The following DAB1 variants were observed in gnomAD, a reference collection of about 807,000 sequenced individuals.
The protein encoded by DAB1 is DAB adaptor protein 1.
Under a neutral mutation model 64.6 loss-of-function variants are expected in DAB1, and 15 were observed. The ratio of observed to expected loss-of-function variants is 0.23; its 90% CI spans 0.16 to 0.36. The LOEUF (loss-of-function observed/expected upper bound fraction) is 0.36. Ranked by LOEUF, DAB1 falls within the 10% of genes least tolerant of loss-of-function variation. The probability of loss-of-function intolerance (pLI) is 1.00; values close to 1 mark genes in which losing one functional copy is unlikely to be tolerated. For synonymous variants in DAB1, 235 were observed against 251.9 expected, an observed-to-expected ratio of 0.93 and a Z score of 0.64; for missense variants, 596 against 706.7, an observed-to-expected ratio of 0.84 and a Z score of 1.78.
At chr1:57,298,289 G>A (rs1440024105) in intron 1 of DAB1, among the ~76,000 whole-genome samples, 1 of 152,184 alleles carries the variant, frequency 6.6e-6, no homozygotes, top group East Asian at 1.9e-4. Context: ...TAAAGCTGCT[G>A]TAGGTGTGAA....
At chr1:57,286,650 A>G (rs1036952490) in intron 2 of DAB1, among the ~76,000 whole-genome samples, 4 of 152,210 alleles carry the variant, frequency 2.6e-5, no homozygotes, top group African/African-American at 9.6e-5. Context: ...ATAGTCCTCA[A>G]TATTATTCAG....
chr1:58,228,617 C>T, intron 4 of DAB1: 1 of 701,088 alleles, frequency 1.4e-6, no homozygotes, highest in South Asian at 1.5e-5. Flanking sequence ...CCCAGATATG[C>T]CCCCTTGTGC....
Position 57,015,126 on chromosome 1 carries a change from G to T in DAB1, c.1201C>A (p.Pro401Thr). 2 of 1,614,200 alleles carry T rather than the reference G, an allele frequency of 1.2e-6. No individual in the cohort carries two copies. Among genetic ancestry groups the T allele is most frequent in the Non-Finnish European group, 1.7e-6 (2 of 1,180,042 alleles). ...PGTSDSTRSS[P>T]QTDKPRQKMG... ...TTCTGCCTGGGCTTGTCGGTCTGTG[G>T]ACTTGACCTGGTGGAGTCACTCGTG... Residue 401 changes from proline (P) to threonine (T), a missense_variant, in exon 12 of 15, where the codon CCA becomes ACA. Physicochemically the swap from Pro to Thr is conservative, Grantham distance 38 (BLOSUM62 -1). Around this residue, in one of 3 missense-constraint regions of DAB1, gnomAD observed 377 missense variants for 400.4 expected, o/e 0.94. Coordinates refer to ENST00000371236, the MANE Select transcript of DAB1 (RefSeq NM_001365792.1).
chr1:58,528,846 C>A (rs1334336762), intron 1 of DAB1, among the ~76,000 whole-genome samples: 1 of 152,152 alleles, frequency 6.6e-6, no homozygotes, highest in Non-Finnish European at 1.5e-5. Flanking sequence ...TATTGAGGGG[C>A]CTTGATTTAG....
At chr1:57,452,042 C>T (rs1033065025) in intron 7 of DAB1, among the ~76,000 whole-genome samples, 2 of 151,964 alleles carry the variant, frequency 1.3e-5, no homozygotes, top group African/African-American at 4.8e-5. Flanking sequence ...CATATTCTTC[C>T]AGAGTATCAT....
At chr1:58,073,090 C>G (rs1350757104) in intron 5 of DAB1, among the ~76,000 whole-genome samples, 1 of 152,158 alleles carries the variant, frequency 6.6e-6, no homozygotes, top group Non-Finnish European at 1.5e-5. Context: ...AGTCAAGTAA[C>G]TTACCCATCA....
chr1:57,136,952 GGT>G (rs1486186330), intron 3 of DAB1, among the ~76,000 whole-genome samples: 1 of 151,996 alleles, frequency 6.6e-6, no homozygotes, highest in African/African-American at 2.4e-5. Context: ...GACACAATAT[GGT>G]TTTCATATTA....
intron 5 of DAB1, chr1:58,080,144 C>T (rs1266575855): frequency 6.6e-6 from 1 of 152,186 alleles, no homozygotes; most frequent in Non-Finnish European, 1.5e-5. Context: ...TTAAGGTGTG[C>T]TCAACCCCCA....
intron 9 of DAB1, among the ~76,000 whole-genome samples, chr1:57,051,927 G>A (rs1007779477): frequency 6.6e-6 from 1 of 152,178 alleles, no homozygotes. Context: ...TAAGGGTGAG[G>A]AGATGGAGGG....
chr1:57,505,411 T>C (rs1443438083), intron 7 of DAB1, among the ~76,000 whole-genome samples: 1 of 152,138 alleles, frequency 6.6e-6, no homozygotes, highest in Admixed American at 6.5e-5. Flanking sequence ...TACAAATCTG[T>C]GAGTACTTGC....
intron 1 of DAB1, chr1:58,527,375 A>G (rs1646368702): frequency 4.7e-6 from 4 of 856,340 alleles, no homozygotes; most frequent in Admixed American, 1.7e-5. Context: ...AAGACAATTT[A>G]TTTCACGAAA....
chr1:57,203,076 G>T (rs1327121018), intron 2 of DAB1, among the ~76,000 whole-genome samples: 2 of 152,136 alleles, frequency 1.3e-5, no homozygotes, highest in Admixed American at 6.5e-5. Context: ...GCAGATTGGG[G>T]TATAAAGCAC....
intron 5 of DAB1, among the ~76,000 whole-genome samples, chr1:58,133,456 G>A (rs547576875): frequency 3.9e-5 from 6 of 152,230 alleles, no homozygotes; most frequent in Non-Finnish European, 7.4e-5. Context: ...CTCTGTCATA[G>A]GGTCTTATAG....
chr1:57,077,078 G>T (rs572366164), intron 4 of DAB1, among the ~76,000 whole-genome samples: 1 of 152,280 alleles, frequency 6.6e-6, no homozygotes, highest in African/African-American at 2.4e-5. Context: ...CTTGGGGCAG[G>T]AATGGGCGAA....
At position 58,091,957 on chromosome 1, in the gene DAB1, C is replaced by CACACACACACAT. The variant is rs1390531266; in HGVS notation, n.387+58553_387+58554insATGTGTGTGTGT. ...TTAAACACACACACACACACACACA[C>CACACACACACAT]ACACACACACAAACTAACATAGCTT... On this transcript the variant is annotated intron_variant and non_coding_transcript_variant, in intron 5 of 20. Coordinates refer to the DAB1 transcript ENST00000485760. Among the ~76,000 whole-genome samples the CACACACACACAT allele has an allele frequency of 2.0e-5, 3 of 151,592 alleles. No individual in the cohort carries two copies. The East Asian group carries it at 5.8e-4, about 29-fold the overall frequency.
chr1:58,151,048 T>C (rs1261820874), intron 4 of DAB1, among the ~76,000 whole-genome samples: 2 of 152,236 alleles, frequency 1.3e-5, no homozygotes, highest in Non-Finnish European at 2.9e-5. Context: ...CTGCATAGTA[T>C]TCCATGATGT....
At chr1:57,505,944 T>G (rs1444557512) in intron 7 of DAB1, among the ~76,000 whole-genome samples, 3 of 152,238 alleles carry the variant, frequency 2.0e-5, no homozygotes, top group Admixed American at 6.5e-5. Flanking sequence ...GTGTTAAGAT[T>G]ACAGGCATGA....
At chr1:57,140,695 G>A (rs1040308581) in intron 3 of DAB1, among the ~76,000 whole-genome samples, 9 of 152,178 alleles carry the variant, frequency 5.9e-5, no homozygotes, top group African/African-American at 2.2e-4. Context: ...ACTTCGCACA[G>A]TATGCAGGGA....
chr1:57,821,710 G>C (rs1652129667), downstream of DAB1, among the ~76,000 whole-genome samples: 1 of 152,210 alleles, frequency 6.6e-6, no homozygotes, highest in Non-Finnish European at 1.5e-5. Context: ...TAATAAGGCT[G>C]AGGCTACTTT....
Sources: allele counts gnomAD v4.1 joint callset (sites outside exome capture counted in the v4.1 genomes callset), GRCh38; gene constraint gnomAD v4.1.1; regional missense constraint gnomAD v4.1.1; transcripts MANE v1.5; gene names NCBI Gene and HGNC (gene_info 2026-07-23, HGNC 2026-07-21).